PRKACB: variants seen among roughly 807,000 people sequenced by gnomAD.
PRKACB encodes cAMP-dependent protein kinase catalytic subunit beta.
Under a neutral mutation model 51.4 loss-of-function variants are expected in PRKACB, and 16 were observed. That is an observed-to-expected ratio of 0.31 (90% CI 0.21 to 0.47). The LOEUF (loss-of-function observed/expected upper bound fraction) is 0.47. Among genes scored for constraint, PRKACB ranks in the 20% least tolerant of loss-of-function variants. PRKACB has a pLI of 1.00. For missense variants in PRKACB, 309 were observed against 464.5 expected (o/e 0.67, Z 3.08); for synonymous variants, 147 against 154.4 (o/e 0.95, Z 0.35).
chr1:84,204,148 TC>T (rs1670918905), intron 8 of PRKACB, among the ~76,000 whole-genome samples: 1 of 151,994 alleles, frequency 6.6e-6, no homozygotes. Context: ...TTGTTCCCTA[TC>T]TCATAGTACA....
intron 8 of PRKACB, among the ~76,000 whole-genome samples, chr1:84,210,273 G>C (rs1671933070): frequency 6.6e-6 from 1 of 152,084 alleles, no homozygotes; most frequent in African/African-American, 2.4e-5. Context: ...AAATATTAAA[G>C]AAAACACGTT....
At chr1:84,109,641 A>C (rs938881747) in intron 1 of PRKACB, among the ~76,000 whole-genome samples, 2 of 151,912 alleles carry the variant, frequency 1.3e-5, no homozygotes, top group East Asian at 3.8e-4. Flanking sequence ...TGTTTCCCTG[A>C]AACATTATGA....
At chr1:84,088,456 C>T (rs976628761) in intron 1 of PRKACB, among the ~76,000 whole-genome samples, 24 of 152,122 alleles carry the variant, frequency 1.6e-4, no homozygotes, top group Non-Finnish European at 5.9e-5. Context: ...CTGTATTCTT[C>T]TTAAGTAGAT....
At chr1:84,125,848 C>T (rs1393175822) in intron 1 of PRKACB, among the ~76,000 whole-genome samples, 2 of 152,130 alleles carry the variant, frequency 1.3e-5, no homozygotes, top group Admixed American at 1.3e-4. Context: ...TTTAATATGT[C>T]CAATAGAATT....
intron 1 of PRKACB, among the ~76,000 whole-genome samples, chr1:84,161,893 A>G (rs1656243024): frequency 6.6e-6 from 1 of 151,976 alleles, no homozygotes. Flanking sequence ...CCTTTTATTT[A>G]TATATTTACC....
intron 5 of PRKACB, among the ~76,000 whole-genome samples, chr1:84,187,723 A>G (rs886885760): frequency 2.0e-5 from 3 of 152,184 alleles, no homozygotes; most frequent in African/African-American, 7.2e-5. Flanking sequence ...TTACAGTCTA[A>G]TAACAGGTAT....
chr1:84,116,683 T>C (rs1013140258), intron 1 of PRKACB, among the ~76,000 whole-genome samples: 9 of 152,188 alleles, frequency 5.9e-5, no homozygotes, highest in Non-Finnish European at 1.3e-4. Flanking sequence ...CCTGCAACTC[T>C]ACTGAATTCA....
intron 1 of PRKACB, among the ~76,000 whole-genome samples, chr1:84,149,293 C>A (rs532550697): frequency 1.3e-5 from 2 of 151,668 alleles, no homozygotes; most frequent in South Asian, 4.2e-4. Context: ...AGAGTCTTAC[C>A]GTGTCACCCA....
chr1:84,143,360 G>T (rs535603436), upstream of PRKACB, among the ~76,000 whole-genome samples: 356 of 152,222 alleles, frequency 2.3e-3, 2 homozygotes, highest in African/African-American at 7.9e-3. Context: ...TCTGAGGGGC[G>T]AGAATCGCTT....
chr1:84,078,162 C>G (rs890400899), exon 1 of PRKACB: 133 of 716,160 alleles, frequency 1.9e-4, no homozygotes, highest in Non-Finnish European at 2.7e-4. Context: ...GAGCCCTTTC[C>G]TCAGACCCGG....
chr1:84,206,011 T>C (rs1398168069), intron 8 of PRKACB, among the ~76,000 whole-genome samples: 1 of 152,176 alleles, frequency 6.6e-6, no homozygotes, highest in African/African-American at 2.4e-5. Context: ...GAATCAGTTA[T>C]GGTCTCTATA....
intron 1 of PRKACB, among the ~76,000 whole-genome samples, chr1:84,097,285 A>G (rs2100794225): frequency 6.6e-6 from 1 of 152,186 alleles, no homozygotes; most frequent in East Asian, 1.9e-4. Context: ...GTCATAAAGT[A>G]TATGTATCTG....
intron 9 of PRKACB, among the ~76,000 whole-genome samples, chr1:84,215,634 T>G (rs1230471583): frequency 6.6e-6 from 1 of 152,172 alleles, no homozygotes; most frequent in Non-Finnish European, 1.5e-5. Context: ...TGTAGCATAT[T>G]TAAAAGAAAC....
chr1:84,124,211 A>G (rs369990853), intron 1 of PRKACB, among the ~76,000 whole-genome samples: 6 of 152,348 alleles, frequency 3.9e-5, no homozygotes, highest in Admixed American at 6.5e-5. Flanking sequence ...AATTACTACA[A>G]TGTGGTCAGT....
chr1:84,159,497 GTTTC>G (rs1351341305), intron 1 of PRKACB, among the ~76,000 whole-genome samples: 2 of 151,920 alleles, frequency 1.3e-5, no homozygotes, highest in Admixed American at 6.6e-5. Context: ...AGTTCTAGTA[GTTTC>G]TTTATAGATT....
intron 1 of PRKACB, among the ~76,000 whole-genome samples, chr1:84,098,795 CGA>C (rs1306021534): frequency 6.6e-6 from 1 of 151,864 alleles, no homozygotes; most frequent in African/African-American, 2.4e-5. Flanking sequence ...ATAGACAAAA[CGA>C]GAGAGAGGCA....
intron 1 of PRKACB, among the ~76,000 whole-genome samples, chr1:84,123,230 G>C (rs566592133): frequency 1.2e-4 from 19 of 152,254 alleles, no homozygotes; most frequent in Admixed American, 9.8e-4. Context: ...AGGGTATGGA[G>C]TTGTAGTTAA....
rs778449806 is a variant in PRKACB, at chr1:84,185,141, G to A, written c.519G>A (p.Gly173=). ...NLYMVMEYVP[G]GEMFSHLRRI... is the part of the protein sequence containing the mutation. ...ACATGGTTATGGAATATGTCCCTGG[G>A]GGTGAAATGTTTTCACATCTAAGAA... Residue 173 remains glycine (G), a synonymous_variant, in exon 5 of 10, where the codon GGG becomes GGA. Transcript: ENST00000370685. 3 of 1,506,418 alleles carry A rather than the reference G, an allele frequency of 2.0e-6. No individual in the cohort carries two copies. The highest frequency in any genetic ancestry group is 2.5e-5 in the Admixed American group (1 of 40,096). 93.3% of individuals were successfully genotyped at this position (1,506,418 alleles called of 1,614,324 possible).
chr1:84,178,725 T>A (rs1397678746), intron 1 of PRKACB: 2 of 152,806 alleles, frequency 1.3e-5, no homozygotes, highest in African/African-American at 4.8e-5. Flanking sequence ...CATAAATCCT[T>A]ACACCTGAAA....
Sources: allele counts gnomAD v4.1 joint callset (sites outside exome capture counted in the v4.1 genomes callset), GRCh38; gene constraint gnomAD v4.1.1; transcripts MANE v1.5; gene names NCBI Gene and HGNC (gene_info 2026-07-23, HGNC 2026-07-21).